DDX10: variants seen among roughly 807,000 people sequenced by gnomAD.
DDX10 encodes the protein DEAD-box helicase 10, also known as probable ATP-dependent RNA helicase DDX10.
DDX10 carries 74 observed loss-of-function variants against 104.3 expected under a neutral mutation model. That is an observed-to-expected ratio of 0.71 (90% CI 0.59 to 0.86). The LOEUF (loss-of-function observed/expected upper bound fraction) is 0.86. Among genes scored for constraint, DDX10 ranks in the 40% least tolerant of loss-of-function variants. The pLI, the probability that DDX10 is intolerant of heterozygous loss-of-function variation, is 0.00. For missense variants in DDX10, 952 were observed against 1,040.0 expected, an observed-to-expected ratio of 0.92 and a Z score of 1.16; for synonymous variants, 351 against 353.4, an observed-to-expected ratio of 0.99 and a Z score of 0.08.
intron 16 of DDX10, among the ~76,000 whole-genome samples, chr11:108,884,917 A>T (rs1319432081): frequency 6.6e-6 from 1 of 152,156 alleles, no homozygotes; most frequent in Non-Finnish European, 1.5e-5. Flanking sequence ...AGCTTCACAC[A>T]TTAAACATAT....
chr11:108,670,407 G>T (rs925621354), intron 1 of DDX10, among the ~76,000 whole-genome samples: 1 of 152,180 alleles, frequency 6.6e-6, no homozygotes, highest in Non-Finnish European at 1.5e-5. Flanking sequence ...CTGCAGCACA[G>T]TTCCAAGAAA....
At chr11:108,814,799 C>G (rs541653241) in intron 13 of DDX10, among the ~76,000 whole-genome samples, 1 of 152,250 alleles carries the variant, frequency 6.6e-6, no homozygotes, top group Non-Finnish European at 1.5e-5. Flanking sequence ...GTGAAATCAG[C>G]TAATATTTAT....
At chr11:108,703,752 A>T (rs553567409) in intron 9 of DDX10, among the ~76,000 whole-genome samples, 5 of 152,298 alleles carry the variant, frequency 3.3e-5, no homozygotes, top group South Asian at 2.1e-4. Context: ...AGCATTTTTT[A>T]AAAAAGTGAA....
At chr11:108,876,788 C>T (rs968680833) in intron 16 of DDX10, among the ~76,000 whole-genome samples, 1 of 152,124 alleles carries the variant, frequency 6.6e-6, no homozygotes, top group Non-Finnish European at 1.5e-5. Context: ...AGAGAGAAAT[C>T]ACATCCTTTT....
intron 6 of DDX10, among the ~76,000 whole-genome samples, chr11:108,684,561 T>C (rs1171882271): frequency 1.4e-5 from 2 of 147,922 alleles, no homozygotes; most frequent in Non-Finnish European, 3.0e-5. Context: ...TAGTATTCCA[T>C]GGTGTATATG....
chr11:108,745,469 T>C (rs2094330741), intron 13 of DDX10, among the ~76,000 whole-genome samples: 1 of 152,002 alleles, frequency 6.6e-6, no homozygotes, highest in African/African-American at 2.4e-5. Flanking sequence ...CTCAAACTCC[T>C]AGGCAGAAGC....
chr11:108,740,625 TCAC>T (rs1437983810), intron 13 of DDX10, among the ~76,000 whole-genome samples: 2 of 152,176 alleles, frequency 1.3e-5, no homozygotes, highest in South Asian at 2.1e-4. Context: ...TGCTCCCTTT[TCAC>T]CACAACTTTG....
intron 15 of DDX10, among the ~76,000 whole-genome samples, chr11:108,845,605 C>T (rs996721538): frequency 3.3e-5 from 5 of 151,886 alleles, no homozygotes; most frequent in Admixed American, 6.6e-5. Flanking sequence ...AAAAAGGTGA[C>T]GAAACTTTTG....
chr11:108,782,295 A>G (rs1012073820), intron 13 of DDX10, among the ~76,000 whole-genome samples: 14 of 152,190 alleles, frequency 9.2e-5, no homozygotes, highest in Non-Finnish European at 1.6e-4. Context: ...TTCTTCAGAG[A>G]AAACACAGCC....
At chr11:108,776,438 G>C (rs2094370023) in intron 13 of DDX10, among the ~76,000 whole-genome samples, 1 of 152,046 alleles carries the variant, frequency 6.6e-6, no homozygotes, top group African/African-American at 2.4e-5. Context: ...TGACTCCTTA[G>C]ACTAATAGAT....
intron 17 of DDX10, among the ~76,000 whole-genome samples, chr11:108,924,505 A>G (rs1017299090): frequency 5.9e-5 from 9 of 152,232 alleles, no homozygotes; most frequent in Non-Finnish European, 8.8e-5. Flanking sequence ...CTCTGAATCA[A>G]AAGACTAATC....
At chr11:108,667,460 C>T (rs2094211538) in intron 1 of DDX10, among the ~76,000 whole-genome samples, 1 of 152,314 alleles carries the variant, frequency 6.6e-6, no homozygotes, top group African/African-American at 2.4e-5. Flanking sequence ...TAGTCTGCTG[C>T]AGAGTAAGTT....
At chr11:108,914,595 T>C (rs1222461652) in intron 16 of DDX10, among the ~76,000 whole-genome samples, 1 of 152,082 alleles carries the variant, frequency 6.6e-6, no homozygotes, top group Non-Finnish European at 1.5e-5. Context: ...CATGATAGAA[T>C]CTAGTGTTTC....
intron 6 of DDX10, among the ~76,000 whole-genome samples, chr11:108,687,678 C>T (rs1257280403): frequency 2.0e-5 from 3 of 152,118 alleles, no homozygotes; most frequent in Non-Finnish European, 4.4e-5. Flanking sequence ...TTTTGGAGAA[C>T]AGTCCTTTAT....
intron 13 of DDX10, among the ~76,000 whole-genome samples, chr11:108,779,777 G>T (rs1182444940): frequency 1.3e-5 from 2 of 152,022 alleles, no homozygotes; most frequent in Non-Finnish European, 2.9e-5. Flanking sequence ...TTAGCTGTTG[G>T]GTTGTTTCTG....
intron 13 of DDX10, among the ~76,000 whole-genome samples, chr11:108,821,948 C>T (rs1480781052): frequency 3.3e-5 from 5 of 152,158 alleles, no homozygotes; most frequent in African/African-American, 7.2e-5. Flanking sequence ...TTGCTTGGTT[C>T]TGAGACAGTG....
intron 13 of DDX10, among the ~76,000 whole-genome samples, chr11:108,781,035 G>A (rs1207023589): frequency 6.6e-6 from 1 of 151,988 alleles, no homozygotes; most frequent in Non-Finnish European, 1.5e-5. Flanking sequence ...CCCAAGAGGT[G>A]GTTTTTCAAT....
At chr11:108,775,843 C>T (rs2094369128) in intron 13 of DDX10, among the ~76,000 whole-genome samples, 1 of 152,162 alleles carries the variant, frequency 6.6e-6, no homozygotes, top group African/African-American at 2.4e-5. Flanking sequence ...TTCTACGTGA[C>T]TATTATTTCA....
intron 13 of DDX10, among the ~76,000 whole-genome samples, chr11:108,793,949 T>A (rs1355026823): frequency 1.3e-5 from 2 of 152,152 alleles, no homozygotes; most frequent in African/African-American, 4.8e-5. Context: ...GTGCCTAGTT[T>A]ATGCCACTTA....
Sources: gnomAD v4.1 joint callset for allele counts (sites outside exome capture counted in the v4.1 genomes callset) on GRCh38, gnomAD v4.1.1 for gene constraint, MANE v1.5 for transcripts, NCBI Gene and HGNC (gene_info 2026-07-23, HGNC 2026-07-21) for gene names.